Variants in PDS5A observed in about 807,000 individuals in gnomAD.
PDS5A encodes PDS5 cohesin associated factor A.
A neutral mutation model predicts 167.1 loss-of-function variants in PDS5A; 42 were observed. The observed-to-expected ratio is 0.25, with a 90% CI of 0.20 to 0.33. PDS5A has a LOEUF of 0.33. Ranked by LOEUF, PDS5A falls within the 10% of genes least tolerant of loss-of-function variation. PDS5A has a pLI of 1.00. For missense variants in PDS5A, 1,033 were observed against 1,605.9 expected (o/e 0.64, Z 6.10); for synonymous variants, 553 against 554.6 (o/e 1.00, Z 0.04).
intron 17 of PDS5A, among the ~76,000 whole-genome samples, chr4:39,884,330 T>C (rs1212226983): frequency 6.6e-6 from 1 of 152,218 alleles, no homozygotes; most frequent in Admixed American, 6.5e-5. Flanking sequence ...CAAGGCTATG[T>C]ATCCCTTTAA....
Position 39,898,446 on chromosome 4 carries a change from A to T in PDS5A, c.1713T>A (p.Ser571=). ...QVLGDDEKLR[S]QLELLISPTC... The stretch of plus-strand genomic sequence containing the variant: ...TTGGGCTAATTAATAACTCCAACTG[A>T]GACCGAAGTTTCTCATCATCGCCGA... Residue 571 remains serine (S), a synonymous_variant, in exon 16 of 33, where the codon TCT becomes TCA. Transcript: ENST00000303538. 6.3e-7 allele frequency: 1 copy of T among 1,598,694 alleles called. No homozygotes were observed. Among genetic ancestry groups the T allele is most frequent in the Admixed American group, 1.7e-5 (1 of 58,458 alleles).
At chr4:39,845,904 G>C in intron 28 of PDS5A, 24 bp from the exon 29 acceptor site, 1 of 1,289,332 alleles carries the variant, frequency 7.8e-7, no homozygotes, top group Non-Finnish European at 1.0e-6. Context: ...AAAAGAAAAA[G>C]AAAAAAGAAA....
At chr4:39,913,076 T>G (rs1170655909) in intron 9 of PDS5A, among the ~76,000 whole-genome samples, 1 of 138,572 alleles carries the variant, frequency 7.2e-6, no homozygotes, top group East Asian at 2.2e-4. Flanking sequence ...TGTTTATTTA[T>G]TCTAATGACT....
At chr4:39,911,225 A>T (rs1723854018) in intron 9 of PDS5A, among the ~76,000 whole-genome samples, 1 of 152,056 alleles carries the variant, frequency 6.6e-6, no homozygotes. Context: ...AAGTTCAAAG[A>T]TGAGTGCAGA....
chr4:39,955,805 A>C (rs1294921968), intron 2 of PDS5A, among the ~76,000 whole-genome samples: 3 of 152,042 alleles, frequency 2.0e-5, no homozygotes, highest in Non-Finnish European at 4.4e-5. Context: ...CCTAAAAAAA[A>C]AAGTCTGTTT....
intron 2 of PDS5A, among the ~76,000 whole-genome samples, chr4:39,953,241 T>C (rs2109791098): frequency 6.6e-6 from 1 of 152,296 alleles, no homozygotes; most frequent in East Asian, 1.9e-4. Context: ...CTTGACCATT[T>C]TGAGCTCATG....
At chr4:39,952,598 G>C (rs911483657) in intron 2 of PDS5A, among the ~76,000 whole-genome samples, 4 of 151,952 alleles carry the variant, frequency 2.6e-5, no homozygotes, top group Non-Finnish European at 5.9e-5. Flanking sequence ...ATAGCTTACT[G>C]TGATAATACC....
intron 17 of PDS5A, among the ~76,000 whole-genome samples, chr4:39,888,966 T>C (rs1302400412): frequency 6.6e-6 from 1 of 152,224 alleles, no homozygotes; most frequent in African/African-American, 2.4e-5. Flanking sequence ...TCTTCACAAA[T>C]TGTATAAATG....
rs571485517 is a variant in PDS5A, at chr4:39,827,533, T to C, written c.4011-2045A>G. 3.9e-5 allele frequency among the ~76,000 whole-genome samples: 6 copies of C among 152,320 alleles called. No individual in the cohort carries two copies. In the East Asian group the frequency reaches 1.2e-3, roughly 29 times the overall value. On this transcript the variant is annotated intron_variant, in intron 32 of 32. Transcript: ENST00000303538. ...CACTTGTTACTAAAAAAAATTCATA[T>C]TGAACTAATATATAGCTGTTTAACA... is the stretch of plus-strand genomic sequence containing the variant.
intron 31 of PDS5A, among the ~76,000 whole-genome samples, chr4:39,839,638 G>T (rs1716764429): frequency 6.6e-6 from 1 of 151,488 alleles, no homozygotes; most frequent in Non-Finnish European, 1.5e-5. Context: ...CTACTGTGGT[G>T]TAACTGCATA....
intron 8 of PDS5A, 51 bp downstream of exon 8, chr4:39,916,997 C>T (rs1724451510): frequency 8.6e-7 from 1 of 1,156,870 alleles, no homozygotes; most frequent in Non-Finnish European, 1.2e-6. Flanking sequence ...ATTGTGCCTG[C>T]TCTAGAAACA....
At chr4:39,871,269 A>G (rs1160920172) in intron 21 of PDS5A, among the ~76,000 whole-genome samples, 2 of 152,174 alleles carry the variant, frequency 1.3e-5, no homozygotes, top group Non-Finnish European at 2.9e-5. Context: ...AAAAATAGCA[A>G]ATTTGATACT....
intron 31 of PDS5A, among the ~76,000 whole-genome samples, chr4:39,841,636 C>G (rs951694955): frequency 2.0e-5 from 3 of 152,058 alleles, no homozygotes; most frequent in Non-Finnish European, 4.4e-5. Flanking sequence ...CCTCAGCCTC[C>G]TGAGTAGCTG....
rs1721143207 is a variant in PDS5A, at chr4:39,883,490, C to A, written c.1887-3657G>T. ...GCCACCACACCCAGCCTTCAGCTAG[C>A]ACCTTTTCAAGGTATTTAAATATTC... On this transcript the variant is annotated intron_variant, in intron 17 of 32. Coordinates refer to ENST00000303538, the MANE Select transcript of PDS5A (RefSeq NM_001100399.2). Among the ~76,000 whole-genome samples, 6 of 151,692 alleles carry A rather than the reference C, an allele frequency of 4.0e-5. No homozygotes were observed. The South Asian group carries it at 1.3e-3, about 32-fold the overall frequency.
chr4:39,948,176 C>T (rs542104527), intron 2 of PDS5A, among the ~76,000 whole-genome samples: 1 of 124,148 alleles, frequency 8.1e-6, no homozygotes, highest in South Asian at 2.4e-4. Context: ...TCCTTAAGCT[C>T]AGGAGGTAGG....
Position 39,862,858 on chromosome 4 carries a change from G to A in PDS5A, c.2971+11C>T. On this transcript the variant is annotated intron_variant, in intron 25 of 32. Coordinates refer to ENST00000303538, the MANE Select transcript of PDS5A (RefSeq NM_001100399.2). The stretch of plus-strand genomic sequence containing the variant: ...AATATATTTGCACACGGAGAACTCT[G>A]AGTTACTTACCAGTAGCCATAGGAT... 1.3e-6 allele frequency: 2 copies of A among 1,548,026 alleles called. No individual in the cohort carries two copies. The highest frequency in any genetic ancestry group is 1.8e-6 in the Non-Finnish European group (2 of 1,127,866).
At chr4:39,892,691 T>A (rs190346600) in intron 16 of PDS5A, among the ~76,000 whole-genome samples, 10 of 152,374 alleles carry the variant, frequency 6.6e-5, no homozygotes, top group African/African-American at 2.4e-4. Flanking sequence ...TAACAGTGTG[T>A]GCTTGATCAA....
At position 39,922,726 on chromosome 4, in the gene PDS5A, G is replaced by A; in HGVS notation, c.550C>T (p.Gln184Ter). 1 of 1,524,708 alleles carries A rather than the reference G, an allele frequency of 6.6e-7. No individual in the cohort carries two copies. The highest frequency in any genetic ancestry group is 8.8e-7 in the Non-Finnish European group (1 of 1,137,544). 94.4% of individuals were successfully genotyped at this position (1,524,708 alleles called of 1,614,324 possible). ...CTCATCAAATCTAGCATGTGCATTT[G>A]TACCTTCTTATTGTGGCTATTGCTA... is the stretch of plus-strand genomic sequence containing the variant. ...VINNSHNKKV[Q>*]MHMLDLMSSI... Residue 184 changes from glutamine (Q) to a stop codon, truncating the protein, a stop_gained, in exon 6 of 33, where the codon CAA (glutamine) becomes TAA (stop). Coordinates refer to ENST00000303538, the MANE Select transcript of PDS5A (RefSeq NM_001100399.2). LOFTEE classifies it high-confidence loss of function.
intron 14 of PDS5A, 51 bp downstream of exon 14, chr4:39,900,375 T>G: frequency 8.7e-7 from 1 of 1,144,632 alleles, no homozygotes; most frequent in Middle Eastern, 1.9e-4. Context: ...CTACAGAAAA[T>G]CTGAACAGTG....
Sources: allele counts gnomAD v4.1 joint callset (sites outside exome capture counted in the v4.1 genomes callset), GRCh38; gene constraint gnomAD v4.1.1; transcripts MANE v1.5; gene names NCBI Gene and HGNC (gene_info 2026-07-23, HGNC 2026-07-21).